Variants in BTBD7 observed in about 807,000 individuals in gnomAD.
The protein encoded by BTBD7 is BTB/POZ domain-containing protein 7.
A neutral mutation model predicts 99.9 loss-of-function variants in BTBD7; 38 were observed. That is an observed-to-expected ratio of 0.38 (90% CI 0.29 to 0.50). The LOEUF (loss-of-function observed/expected upper bound fraction) is 0.50. Ranked by LOEUF, BTBD7 falls within the 20% of genes least tolerant of loss-of-function variation. The pLI is 0.93. For synonymous variants in BTBD7, 520 were observed against 511.4 expected, an observed-to-expected ratio of 1.02 and a Z score of -0.23; for missense variants, 1,170 against 1,394.6, an observed-to-expected ratio of 0.84 and a Z score of 2.57.
At chr14:93,266,025 T>C (rs2052538235) in intron 3 of BTBD7, among the ~76,000 whole-genome samples, 1 of 152,236 alleles carries the variant, frequency 6.6e-6, no homozygotes, top group Non-Finnish European at 1.5e-5. Context: ...AACACCACAC[T>C]GCATAGCAGA....
chr14:93,281,188 G>C (rs919680762), intron 3 of BTBD7, among the ~76,000 whole-genome samples: 11 of 148,378 alleles, frequency 7.4e-5, no homozygotes, highest in Non-Finnish European at 1.6e-4. Context: ...TTTTTGTAGA[G>C]ATGGAGTTTC....
intron 6 of BTBD7, among the ~76,000 whole-genome samples, chr14:93,254,710 C>A (rs138153078): frequency 2.0e-5 from 3 of 152,166 alleles, no homozygotes; most frequent in Non-Finnish European, 4.4e-5. Flanking sequence ...CCAGGAGAAT[C>A]TGTATCAAGT....
chr14:93,243,357 C>G (rs2052261769), intron 10 of BTBD7, among the ~76,000 whole-genome samples: 1 of 152,074 alleles, frequency 6.6e-6, no homozygotes, highest in Non-Finnish European at 1.5e-5. Context: ...CCACGCCCAG[C>G]TAATTTTTTG....
intron 3 of BTBD7, among the ~76,000 whole-genome samples, chr14:93,264,224 C>A (rs1013956589): frequency 6.6e-6 from 1 of 152,080 alleles, no homozygotes; most frequent in Non-Finnish European, 1.5e-5. Context: ...GGCAGAGAAT[C>A]CTCCCAAGTT....
chr14:93,271,387 G>A (rs941827992), intron 3 of BTBD7, among the ~76,000 whole-genome samples: 14 of 152,068 alleles, frequency 9.2e-5, no homozygotes, highest in African/African-American at 3.1e-4. Context: ...CAGGCAAGGG[G>A]GAAAGGAAAA....
chr14:93,288,523 T>G, intron 3 of BTBD7: 1 of 778,050 alleles, frequency 1.3e-6, no homozygotes, highest in Non-Finnish European at 2.4e-6. Flanking sequence ...GAAGTTTTCT[T>G]CTGCTCCCTT....
chr14:93,312,392 A>G (rs919433022), intron 1 of BTBD7, among the ~76,000 whole-genome samples: 12 of 152,314 alleles, frequency 7.9e-5, no homozygotes, highest in African/African-American at 2.6e-4. Flanking sequence ...ATTCTTTTTC[A>G]AATAGAAATC....
intron 1 of BTBD7, among the ~76,000 whole-genome samples, chr14:93,300,241 A>T (rs1048417386): frequency 6.6e-6 from 1 of 150,772 alleles, no homozygotes; most frequent in South Asian, 2.1e-4. Flanking sequence ...ATGGGGAAGG[A>T]AGTTCTTTCT....
At chr14:93,329,829 AT>A (rs2053380036) in intron 1 of BTBD7, among the ~76,000 whole-genome samples, 1 of 152,242 alleles carries the variant, frequency 6.6e-6, no homozygotes, top group Non-Finnish European at 1.5e-5. Context: ...ATATGTAGTC[AT>A]GAGCCTAAGA....
intron 1 of BTBD7, among the ~76,000 whole-genome samples, chr14:93,303,352 C>T (rs1365762485): frequency 6.6e-6 from 1 of 151,802 alleles, no homozygotes; most frequent in African/African-American, 2.4e-5. Context: ...GCCTGTAATC[C>T]TGGCACTTCA....
rs2053252219 is a variant in BTBD7, at chr14:93,319,994, G to A, written c.-107+12826C>T. Among the ~76,000 whole-genome samples, 4 of 152,292 alleles carry A rather than the reference G, an allele frequency of 2.6e-5. No homozygotes were observed. In the South Asian group the frequency reaches 6.2e-4, roughly 24 times the overall value. On this transcript the variant is annotated intron_variant, in intron 1 of 10. Transcript: ENST00000334746. ...AAAATAAAAATGGAACGGCCAGAGAGATAGAGGAAAACTAGAAAAATGTGG... is the reference window on the plus strand; with the variant it reads ...AAAATAAAAATGGAACGGCCAGAGAAATAGAGGAAAACTAGAAAAATGTGG...
intron 8 of BTBD7, among the ~76,000 whole-genome samples, chr14:93,251,067 A>G (rs1006154046): frequency 6.6e-6 from 1 of 152,236 alleles, no homozygotes; most frequent in African/African-American, 2.4e-5. Flanking sequence ...CAATGTCTAG[A>G]AACATAAAAA....
At chr14:93,259,818 CAGCTACTCGGGA>C (rs1353670870) in intron 5 of BTBD7, among the ~76,000 whole-genome samples, 1 of 152,118 alleles carries the variant, frequency 6.6e-6, no homozygotes, top group Non-Finnish European at 1.5e-5. Flanking sequence ...CCTGTAATCC[CAGCTACTCGGGA>C]AGCTGAGGCA....
intron 1 of BTBD7, among the ~76,000 whole-genome samples, chr14:93,327,033 T>A (rs751946574): frequency 1.2e-4 from 18 of 151,932 alleles, no homozygotes; most frequent in Admixed American, 2.0e-4. Flanking sequence ...TGGTGGCACG[T>A]GCCTGTATTC....
intron 2 of BTBD7, 123 bp downstream of exon 2, chr14:93,295,847 C>A: frequency 2.3e-6 from 2 of 880,396 alleles, no homozygotes; most frequent in Non-Finnish European, 3.4e-6. Context: ...GGGAAAAAAC[C>A]TAGATGCTGC....
chr14:93,300,772 G>GTGTGTGTGTGTATA (rs1438410480), intron 1 of BTBD7, among the ~76,000 whole-genome samples: 1 of 67,870 alleles, frequency 1.5e-5, no homozygotes, highest in Non-Finnish European at 2.6e-5. Context: ...GTGTGTGTGT[G>GTGTGTGTGTGTATA]TATATATATA....
At chr14:93,313,707 C>A (rs1000826984) in intron 1 of BTBD7, among the ~76,000 whole-genome samples, 1 of 151,462 alleles carries the variant, frequency 6.6e-6, no homozygotes. Context: ...CACACACACA[C>A]ACACACACAA....
In BTBD7 at chr14:93,322,777, A is replaced by G. The variant is rs150779344; in HGVS notation, c.-107+10043T>C. On this transcript the variant is annotated intron_variant, in intron 1 of 10. Coordinates refer to ENST00000334746, the MANE Select transcript of BTBD7 (RefSeq NM_001002860.4). Reference sequence around the variant, plus strand: ...AGAATCATCCAATACACAGTATCATATATTTTTAAAGGTATACTCTATTCC... The same window carrying G: ...AGAATCATCCAATACACAGTATCATGTATTTTTAAAGGTATACTCTATTCC... 3.4e-3 allele frequency among the ~76,000 whole-genome samples: 522 copies of G among 152,350 alleles called. 3 individuals carry two copies. Among genetic ancestry groups the G allele is most frequent in the African/African-American group, 8.0e-3 (331 of 41,580 alleles).
intron 2 of BTBD7, 51 bp from the exon 3 acceptor site, chr14:93,294,988 T>A: frequency 6.8e-7 from 1 of 1,462,462 alleles, no homozygotes; most frequent in Non-Finnish European, 9.0e-7. Context: ...AACATTCATT[T>A]TCAACGTTTA....
Sources: gnomAD v4.1 joint callset for allele counts (sites outside exome capture counted in the v4.1 genomes callset) on GRCh38, gnomAD v4.1.1 for gene constraint, MANE v1.5 for transcripts, NCBI Gene and HGNC (gene_info 2026-07-23, HGNC 2026-07-21) for gene names.